The following GPHN variants were observed in gnomAD, a reference collection of about 807,000 sequenced individuals.
The protein encoded by GPHN is gephyrin.
In GPHN, 17 loss-of-function variants were observed where a neutral mutation model predicts 95.5. That is an observed-to-expected ratio of 0.18 (90% CI 0.12 to 0.27). The LOEUF (loss-of-function observed/expected upper bound fraction) is 0.27, where lower values mean the gene tolerates loss of function less well. Among genes scored for constraint, GPHN ranks in the 10% least tolerant of loss-of-function variants. The pLI is 1.00. For missense variants in GPHN, 660 were observed against 978.1 expected (o/e 0.67, Z 4.34); for synonymous variants, 320 against 322.5 (o/e 0.99, Z 0.08).
chr14:67,562,623 A>T, the GPHN span: 1 of 1,613,048 alleles, frequency 6.2e-7, no homozygotes. Context: ...GCCAAAAGGC[A>T]CCACAGCCAG....
the GPHN span, among the ~76,000 whole-genome samples, chr14:67,634,383 A>G: frequency 6.6e-6 from 1 of 151,286 alleles, no homozygotes; most frequent in African/African-American, 2.4e-5. Context: ...ACTTAAGCCC[A>G]GGAGTTCAAG....
intron 1 of GPHN, among the ~76,000 whole-genome samples, chr14:66,567,508 A>C (rs1595003813): frequency 6.6e-6 from 1 of 152,202 alleles, no homozygotes; most frequent in East Asian, 1.9e-4. Context: ...CATAGAGTAC[A>C]TTGTGGGTTC....
the GPHN span, among the ~76,000 whole-genome samples, chr14:67,685,521 C>T: frequency 6.6e-6 from 1 of 152,074 alleles, no homozygotes; most frequent in Non-Finnish European, 1.5e-5. Context: ...TGGGGTCTCC[C>T]TATGTTGACC....
chr14:66,599,392 A>ATTTTTTTTTTTTTTTTT lies in GPHN; in HGVS notation c.65-81699_65-81698insTTTTTTTTTTTTTTTTT, dbSNP rs765267813. On this transcript the variant is annotated intron_variant, in intron 1 of 22. Transcript: ENST00000478722. ...TCTCTGATTTTACATTTTTTTTTGCATTTTTTTTTTTTTTTTGCTAGATGC... is the reference window on the plus strand; with the variant it reads ...TCTCTGATTTTACATTTTTTTTTGCATTTTTTTTTTTTTTTTTTTTTTTTTTTTTTTTTGCTAGATGC... 5.1e-4 allele frequency among the ~76,000 whole-genome samples: 39 copies of ATTTTTTTTTTTTTTTTT among 76,472 alleles called. 1 individual carries two copies. The highest frequency in any genetic ancestry group is 1.3e-3 in the African/African-American group (18 of 13,922). 50.2% of individuals were successfully genotyped at this position (76,472 alleles called of 152,430 possible).
At chr14:66,813,214 TA>T (rs1212718711) in intron 3 of GPHN, among the ~76,000 whole-genome samples, 2 of 152,206 alleles carry the variant, frequency 1.3e-5, no homozygotes, top group African/African-American at 4.8e-5. Context: ...ATAATTATTT[TA>T]TAGTTGAATT....
At position 66,508,601 on chromosome 14, in the gene GPHN, G is replaced by A. The variant is rs768831916; in HGVS notation, c.64+10G>A. The A allele has an allele frequency of 3.1e-6, 5 of 1,610,534 alleles. No individual in the cohort carries two copies. In the East Asian group the frequency reaches 1.1e-4, roughly 36 times the overall value. On this transcript the variant is annotated intron_variant, in intron 1 of 22. Coordinates refer to ENST00000478722, the MANE Select transcript of GPHN (RefSeq NM_020806.5). The stretch of plus-strand genomic sequence containing the variant: ...GTCGGAGTCCTTACAGGTAACCGGG[G>A]GAGGAGGTCTGGGACCTATGAGGCT...
intron 1 of GPHN, among the ~76,000 whole-genome samples, chr14:66,541,044 T>G (rs533215038): frequency 1.6e-4 from 24 of 152,188 alleles, no homozygotes; most frequent in Admixed American, 1.3e-3. Flanking sequence ...GCCTCCCGGG[T>G]TCAAGTGATT....
At chr14:67,678,308 C>A in the GPHN span, 1 of 1,555,380 alleles carries the variant, frequency 6.4e-7, no homozygotes, top group Admixed American at 1.7e-5. Context: ...TTGGGTCCAA[C>A]TGGCACTGCC....
At chr14:67,209,459 T>A in the GPHN span, among the ~76,000 whole-genome samples, 2 of 152,096 alleles carry the variant, frequency 1.3e-5, no homozygotes, top group South Asian at 2.1e-4. Flanking sequence ...CAATTACAAA[T>A]CTCTGCCAAA....
intron 2 of GPHN, among the ~76,000 whole-genome samples, chr14:66,696,591 A>G (rs1391423574): frequency 6.6e-6 from 1 of 152,214 alleles, no homozygotes; most frequent in African/African-American, 2.4e-5. Flanking sequence ...CAAGTCAGAA[A>G]GCTTATACTA....
chr14:66,720,091 G>T (rs939474184), intron 2 of GPHN, among the ~76,000 whole-genome samples: 1 of 151,960 alleles, frequency 6.6e-6, no homozygotes, highest in Non-Finnish European at 1.5e-5. Flanking sequence ...TTGTTTATCT[G>T]CTCAATGGAT....
the GPHN span, chr14:67,726,256 G>A: frequency 1.3e-6 from 1 of 796,160 alleles, no homozygotes; most frequent in Non-Finnish European, 2.3e-6. Context: ...GGCCTTCATA[G>A]AGCCTAGGAA....
intron 9 of GPHN, among the ~76,000 whole-genome samples, chr14:67,001,799 T>C (rs2072249970): frequency 6.6e-6 from 1 of 151,766 alleles, no homozygotes; most frequent in Non-Finnish European, 1.5e-5. Context: ...CTCATGGTCA[T>C]ATATTGCTAT....
At chr14:67,340,623 A>G in the GPHN span, 1 of 956,842 alleles carries the variant, frequency 1.0e-6, no homozygotes, top group Non-Finnish European at 1.6e-6. Context: ...TGTAAAATTA[A>G]TGTGCATTTA....
At chr14:66,526,856 G>A (rs1468524432) in intron 1 of GPHN, among the ~76,000 whole-genome samples, 4 of 152,282 alleles carry the variant, frequency 2.6e-5, no homozygotes, top group East Asian at 1.9e-4. Flanking sequence ...GCTTTCTGAT[G>A]TGCTATTGGA....
At chr14:66,707,833 A>G (rs2069236568) in intron 2 of GPHN, among the ~76,000 whole-genome samples, 1 of 152,192 alleles carries the variant, frequency 6.6e-6, no homozygotes, top group African/African-American at 2.4e-5. Flanking sequence ...TATTTTATAC[A>G]AAGTGATGTT....
At chr14:66,607,457 CT>C (rs1284965213) in intron 1 of GPHN, among the ~76,000 whole-genome samples, 1 of 149,824 alleles carries the variant, frequency 6.7e-6, no homozygotes. Context: ...CTGAAGTTTT[CT>C]TTTTTGTTGT....
the GPHN span, among the ~76,000 whole-genome samples, chr14:67,342,692 G>C: frequency 6.7e-6 from 1 of 149,298 alleles, no homozygotes; most frequent in Non-Finnish European, 1.5e-5. Flanking sequence ...TAATATAACA[G>C]TTAATATATT....
chr14:66,803,517 C>G (rs2060434955), intron 3 of GPHN, among the ~76,000 whole-genome samples: 1 of 152,192 alleles, frequency 6.6e-6, no homozygotes, highest in African/African-American at 2.4e-5. Flanking sequence ...CACTCCACCC[C>G]TCTCTTCAGT....
Sources: allele counts gnomAD v4.1 joint callset (sites outside exome capture counted in the v4.1 genomes callset), GRCh38; gene constraint gnomAD v4.1.1; transcripts MANE v1.5; gene names NCBI Gene and HGNC (gene_info 2026-07-23, HGNC 2026-07-21).